The following PPME1 variants were observed in gnomAD, a reference collection of about 807,000 sequenced individuals.
The protein encoded by PPME1 is testicular secretory protein Li 39.
In PPME1, 17 loss-of-function variants were observed where a neutral mutation model predicts 56.9. That is an observed-to-expected ratio of 0.30 (90% confidence interval 0.20 to 0.45). The LOEUF is 0.45. Ranked by LOEUF, PPME1 falls within the 20% of genes least tolerant of loss-of-function variation. PPME1 has a pLI of 1.00. For missense variants in PPME1, 357 were observed against 483.2 expected (o/e 0.74, Z 2.45); for synonymous variants, 122 against 156.2 (o/e 0.78, Z 1.63).
intron 3 of PPME1, among the ~76,000 whole-genome samples, chr11:74,214,108 G>C (rs1028390268): frequency 6.6e-6 from 1 of 152,120 alleles, no homozygotes; most frequent in Non-Finnish European, 1.5e-5. Context: ...AAGGAATTCA[G>C]AAAATTTATC....
At chr11:74,249,578 G>T (rs1401171378) in intron 11 of PPME1, 1 of 152,210 alleles carries the variant, frequency 6.6e-6, no homozygotes, top group Non-Finnish European at 1.5e-5. Flanking sequence ...GATTGGAGTT[G>T]TAAGTTTTGG....
intron 8 of PPME1, among the ~76,000 whole-genome samples, 187 bp downstream of exon 8, chr11:74,236,153 C>G (rs1859185261): frequency 6.6e-6 from 1 of 152,272 alleles, no homozygotes; most frequent in East Asian, 1.9e-4. Context: ...CCTTTCTCTC[C>G]TTCCTTTCCT....
At chr11:74,207,716 G>C (rs1462970249) in intron 3 of PPME1, among the ~76,000 whole-genome samples, 1 of 152,204 alleles carries the variant, frequency 6.6e-6, no homozygotes, top group Non-Finnish European at 1.5e-5. Flanking sequence ...TGCTGTGGGA[G>C]AATCCAGAAT....
chr11:74,203,746 C>G lies in PPME1; in HGVS notation c.120C>G (p.Asp40Glu). The G allele has an allele frequency of 5.6e-6, 9 of 1,611,544 alleles. No homozygotes were observed. Among genetic ancestry groups the G allele is most frequent in the Non-Finnish European group, 6.8e-6 (8 of 1,178,846 alleles). ...KMRMGPGRKR[D>E]FSPVPWSQYF... ...TCCTCAGCCCTGGAAGAAAGCGGGACTTTTCCCCTGTTCCTTGGAGTCAGT... is the reference window on the plus strand; with the variant it reads ...TCCTCAGCCCTGGAAGAAAGCGGGAGTTTTCCCCTGTTCCTTGGAGTCAGT... The change falls in exon 2 of 14, where the codon GAC (aspartate) becomes GAG (glutamate). Residue 40 changes from aspartate to glutamate, a missense_variant. Transcript: ENST00000328257.
intron 5 of PPME1, 77 bp downstream of exon 5, chr11:74,225,333 C>A: frequency 9.4e-7 from 1 of 1,067,092 alleles, no homozygotes; most frequent in Non-Finnish European, 1.3e-6. Context: ...TTATCACTTT[C>A]CTGATGAGAT....
rs553829681 is a variant in PPME1, at chr11:74,219,860, C to T, written c.289-2452C>T. On this transcript the variant is annotated intron_variant, in intron 3 of 13. Transcript: ENST00000328257. ...ATTTGATGGCACAACAGGGTGACTACAGTCAACAATAGTTTACTGTGTATT... is the reference window on the plus strand; with the variant it reads ...ATTTGATGGCACAACAGGGTGACTATAGTCAACAATAGTTTACTGTGTATT... Among the ~76,000 whole-genome samples the T allele has an allele frequency of 5.3e-5, 8 of 152,164 alleles. No homozygotes were observed. The East Asian group carries it at 1.2e-3, about 22-fold the overall frequency.
chr11:74,219,110 A>G (rs543937652), intron 3 of PPME1, among the ~76,000 whole-genome samples: 2 of 152,278 alleles, frequency 1.3e-5, no homozygotes, highest in Admixed American at 1.3e-4. Flanking sequence ...ATATATTCAT[A>G]TGGCAGACAC....
intron 3 of PPME1, chr11:74,204,726 A>T (rs1858281906): frequency 4.0e-6 from 1 of 248,682 alleles, no homozygotes; most frequent in South Asian, 1.3e-4. Context: ...GGAGTGATGG[A>T]AAATGTGAAA....
At chr11:74,197,846 C>A (rs1325593367) in intron 1 of PPME1, among the ~76,000 whole-genome samples, 1 of 152,112 alleles carries the variant, frequency 6.6e-6, no homozygotes, top group African/African-American at 2.4e-5. Flanking sequence ...ATGCATGAAC[C>A]CTCTGGATTG....
At chr11:74,247,035 T>G (rs757001789) in intron 10 of PPME1, 44 bp from the exon 11 acceptor site, 13 of 1,535,880 alleles carry the variant, frequency 8.5e-6, no homozygotes, top group Non-Finnish European at 1.1e-5. Context: ...ACTTAATACG[T>G]GAACAGCAAA....
chr11:74,191,207 G>T (rs1857828214), intron 1 of PPME1, among the ~76,000 whole-genome samples: 1 of 152,180 alleles, frequency 6.6e-6, no homozygotes, highest in African/African-American at 2.4e-5. Flanking sequence ...GGATGTGGTG[G>T]TATATGCCAG....
rs1234947884 is a variant in PPME1 at position 74,171,442 on chromosome 11, C to G, written c.21C>G (p.Ser7Arg). 4 of 1,612,832 alleles carry G rather than the reference C, an allele frequency of 2.5e-6. No individual in the cohort carries two copies. The highest frequency in any genetic ancestry group is 4.5e-5 in the East Asian group (2 of 44,844). The change falls in exon 1 of 14, where the codon AGC (serine) becomes AGG (arginine). Residue 7 changes from serine to arginine, a missense_variant. By Grantham distance (110) the Ser-to-Arg change is moderately radical. Transcript: ENST00000328257. MSALEK[S>R]MHLGRLPSRP... ...CCTCGATGTCGGCCCTCGAAAAGAG[C>G]ATGCACCTCGGCCGCCTTCCCTCTC...
chr11:74,209,633 G>A (rs192194662), intron 3 of PPME1, among the ~76,000 whole-genome samples: 17 of 152,268 alleles, frequency 1.1e-4, no homozygotes, highest in Admixed American at 3.3e-4. Context: ...CAAAATACTA[G>A]TATAGATGAT....
At chr11:74,201,061 C>A (rs1004539045) in intron 1 of PPME1, among the ~76,000 whole-genome samples, 1 of 151,832 alleles carries the variant, frequency 6.6e-6, no homozygotes, top group African/African-American at 2.4e-5. Flanking sequence ...CTGCAAGCTC[C>A]GCCTCCCGGG....
intron 1 of PPME1, among the ~76,000 whole-genome samples, chr11:74,193,228 A>T (rs1482173175): frequency 6.6e-6 from 1 of 152,264 alleles, no homozygotes; most frequent in South Asian, 2.1e-4. Flanking sequence ...AAGTTCAATC[A>T]GGAATGATGG....
intron 3 of PPME1, among the ~76,000 whole-genome samples, chr11:74,208,569 A>G (rs1463746211): frequency 6.6e-6 from 1 of 152,230 alleles, no homozygotes; most frequent in Non-Finnish European, 1.5e-5. Context: ...TTGAATGTCA[A>G]AGCAGCTTAA....
intron 11 of PPME1, chr11:74,249,445 T>C (rs1859596590): frequency 6.6e-6 from 1 of 152,246 alleles, no homozygotes; most frequent in Non-Finnish European, 1.5e-5. Flanking sequence ...CATGTTATTT[T>C]ATGTGTACCT....
intron 13 of PPME1, chr11:74,252,414 C>T (rs1046383934): frequency 2.4e-5 from 11 of 454,402 alleles, no homozygotes; most frequent in Non-Finnish European, 4.0e-5. Flanking sequence ...GGGTTTTCTA[C>T]AGTGTTGCAC....
At chr11:74,200,358 TGTGTGTG>T (rs1444665687) in intron 1 of PPME1, among the ~76,000 whole-genome samples, 2 of 1,744 alleles carry the variant, frequency 1.1e-3, no homozygotes, top group African/African-American at 2.5e-3. Context: ...TCATGTGTTT[TGTGTGTG>T]TGTGTGTGTG....
Sources: gnomAD v4.1 joint callset for allele counts (sites outside exome capture counted in the v4.1 genomes callset) on GRCh38, gnomAD v4.1.1 for gene constraint, MANE v1.5 for transcripts, NCBI Gene and HGNC (gene_info 2026-07-23, HGNC 2026-07-21) for gene names.